MAGI1: variants seen among roughly 807,000 people sequenced by gnomAD.
MAGI1 encodes membrane-associated guanylate kinase, WW and PDZ domain-containing protein 1.
Under a neutral mutation model 139.9 loss-of-function variants are expected in MAGI1, and 58 were observed. That is an observed-to-expected ratio of 0.41 (90% CI 0.34 to 0.52). The LOEUF (loss-of-function observed/expected upper bound fraction) is 0.52, where lower values mean the gene tolerates loss of function less well. Among genes scored for constraint, MAGI1 ranks in the 20% least tolerant of loss-of-function variants. The pLI is 0.12. For missense variants in MAGI1, 1,874 were observed against 1,901.6 expected (o/e 0.99, Z 0.27); for synonymous variants, 812 against 737.9 (o/e 1.10, Z -1.63).
intron 21 of MAGI1, among the ~76,000 whole-genome samples, chr3:65,362,860 C>G (rs1353139669): frequency 1.3e-5 from 2 of 152,346 alleles, no homozygotes; most frequent in East Asian, 1.9e-4. Context: ...ACAGCACATT[C>G]ATCTACAGTA....
At position 65,944,289 on chromosome 3, in the gene MAGI1, G is replaced by A. The variant is rs928857142; in HGVS notation, c.313+93707C>T. Among the ~76,000 whole-genome samples the A allele has an allele frequency of 3.3e-5, 5 of 152,144 alleles. No individual in the cohort carries two copies. The East Asian group carries it at 9.6e-4, about 29-fold the overall frequency. On this transcript the variant is annotated intron_variant, in intron 1 of 22. Transcript: ENST00000402939. ...CCAGCCCTTTGGAAGGCAGAGGCAG[G>A]ACAGCTTGAGCCCAGGAGTTCAAGA...
intron 1 of MAGI1, among the ~76,000 whole-genome samples, chr3:65,848,967 A>G (rs1361567592): frequency 1.4e-5 from 2 of 142,234 alleles, no homozygotes; most frequent in Non-Finnish European, 3.0e-5. Flanking sequence ...CACTCCAAAC[A>G]CTTAACTGGC....
intron 2 of MAGI1, among the ~76,000 whole-genome samples, chr3:65,509,925 G>C (rs373241459): frequency 7.2e-5 from 11 of 152,142 alleles, no homozygotes; most frequent in African/African-American, 1.9e-4. Context: ...TTGAAGAGAG[G>C]AGTGGTTCTC....
chr3:65,566,533 G>A (rs796262531), intron 2 of MAGI1, among the ~76,000 whole-genome samples: 2 of 151,896 alleles, frequency 1.3e-5, no homozygotes, highest in South Asian at 2.1e-4. Context: ...TAATAACCCA[G>A]GGAAATCTGG....
intron 1 of MAGI1, among the ~76,000 whole-genome samples, chr3:65,944,777 T>C (rs9854120): frequency 0.036 from 5,507 of 152,272 alleles, 323 homozygotes; most frequent in African/African-American, 0.12. Context: ...TTTCATACTC[T>C]TTGCAGCATT....
chr3:65,853,899 G>A (rs1292506270), intron 1 of MAGI1, among the ~76,000 whole-genome samples: 1 of 152,124 alleles, frequency 6.6e-6, no homozygotes. Context: ...GAGGTTGGGA[G>A]TTGGAGACTA....
At chr3:65,504,390 C>T (rs1208418984) in intron 2 of MAGI1, among the ~76,000 whole-genome samples, 1 of 152,212 alleles carries the variant, frequency 6.6e-6, no homozygotes, top group Non-Finnish European at 1.5e-5. Context: ...CTTGCAACAA[C>T]ACTATAAAGT....
chr3:65,720,367 C>CTGAAGTCAGGGTAT (rs2032861826), intron 1 of MAGI1, among the ~76,000 whole-genome samples: 1 of 152,124 alleles, frequency 6.6e-6, no homozygotes, highest in Non-Finnish European at 1.5e-5. Flanking sequence ...GCCCCATGGG[C>CTGAAGTCAGGGTAT]ATCTGACACT....
chr3:65,724,406 C>T (rs577223594), intron 1 of MAGI1, among the ~76,000 whole-genome samples: 1 of 152,324 alleles, frequency 6.6e-6, no homozygotes, highest in African/African-American at 2.4e-5. Flanking sequence ...ATAGCCATAA[C>T]TTCACCTGAG....
intron 3 of MAGI1, among the ~76,000 whole-genome samples, chr3:65,484,855 C>A (rs1475721011): frequency 6.6e-6 from 1 of 152,158 alleles, no homozygotes; most frequent in Non-Finnish European, 1.5e-5. Flanking sequence ...GAACCACATA[C>A]CTCCCCTTCC....
chr3:65,487,351 CT>C (rs1951697929), intron 3 of MAGI1, among the ~76,000 whole-genome samples: 1 of 152,188 alleles, frequency 6.6e-6, no homozygotes, highest in Non-Finnish European at 1.5e-5. Context: ...ACCATATCTG[CT>C]TTTGTTCAGC....
intron 22 of MAGI1, chr3:65,360,344 G>GCTT (rs1355805401): frequency 1.0e-6 from 1 of 973,264 alleles, no homozygotes; most frequent in African/African-American, 1.8e-5. Context: ...CTAGGGCATA[G>GCTT]CTTCTTCTTT....
chr3:66,003,241 C>T (rs1375308885), intron 1 of MAGI1, among the ~76,000 whole-genome samples: 2 of 152,142 alleles, frequency 1.3e-5, no homozygotes, highest in African/African-American at 2.4e-5. Flanking sequence ...CTCCTTCCCT[C>T]TCCTTCTTAC....
intron 2 of MAGI1, among the ~76,000 whole-genome samples, chr3:65,616,927 C>G (rs148074367): frequency 1.3e-5 from 2 of 152,312 alleles, no homozygotes; most frequent in African/African-American, 4.8e-5. Flanking sequence ...TGATTTTAGG[C>G]AAGCCATCCT....
At chr3:65,679,632 G>T (rs551710666) in intron 1 of MAGI1, among the ~76,000 whole-genome samples, 1 of 152,242 alleles carries the variant, frequency 6.6e-6, no homozygotes, top group South Asian at 2.1e-4. Flanking sequence ...GCAGTCCAGG[G>T]CACAGAAACA....
At chr3:65,751,737 T>C (rs1180229441) in intron 1 of MAGI1, among the ~76,000 whole-genome samples, 1 of 152,220 alleles carries the variant, frequency 6.6e-6, no homozygotes, top group African/African-American at 2.4e-5. Context: ...GCATTCCATA[T>C]ATATGTGCTC....
At chr3:65,423,029 A>G (rs1206681181) in intron 12 of MAGI1, among the ~76,000 whole-genome samples, 2 of 152,162 alleles carry the variant, frequency 1.3e-5, no homozygotes, top group Non-Finnish European at 2.9e-5. Context: ...GGTGCCCTAC[A>G]ATGGGTGGTA....
chr3:65,766,690 G>A (rs2037505310), intron 1 of MAGI1, among the ~76,000 whole-genome samples: 1 of 152,032 alleles, frequency 6.6e-6, no homozygotes, highest in East Asian at 2.0e-4. Flanking sequence ...ATGAGTTTGA[G>A]ACTAGCCTGG....
intron 1 of MAGI1, among the ~76,000 whole-genome samples, chr3:66,022,189 G>A (rs1208458231): frequency 6.6e-6 from 1 of 152,072 alleles, no homozygotes; most frequent in Non-Finnish European, 1.5e-5. Flanking sequence ...ATCTTTCTTT[G>A]GGATAATTTA....
Sources: gnomAD v4.1 joint callset for allele counts (sites outside exome capture counted in the v4.1 genomes callset) on GRCh38, gnomAD v4.1.1 for gene constraint, MANE v1.5 for transcripts, NCBI Gene and HGNC (gene_info 2026-07-23, HGNC 2026-07-21) for gene names.